Variants in PLEKHA6 observed in about 807,000 individuals in gnomAD.
PLEKHA6 encodes the protein pleckstrin homology domain-containing family A member 6.
In PLEKHA6, 60 loss-of-function variants were observed where a neutral mutation model predicts 116.7. That is an observed-to-expected ratio of 0.51 (90% CI 0.42 to 0.64). PLEKHA6 has a LOEUF of 0.64. PLEKHA6 is among the 30% of genes least tolerant of loss of function. The pLI is 0.00. For synonymous variants in PLEKHA6, 489 were observed against 556.1 expected (o/e 0.88, Z 1.70); for missense variants, 1,338 against 1,422.7 (o/e 0.94, Z 0.96).
At chr1:204,307,880 C>G in intron 1 of PLEKHA6, 1 of 985,438 alleles carries the variant, frequency 1.0e-6, no homozygotes, top group African/African-American at 1.7e-5. Flanking sequence ...TTAAGTGGCA[C>G]TCAGGATCGA....
At chr1:204,330,386 T>C (rs897389698) in intron 1 of PLEKHA6, among the ~76,000 whole-genome samples, 1 of 152,228 alleles carries the variant, frequency 6.6e-6, no homozygotes, top group African/African-American at 2.4e-5. Flanking sequence ...AGGAACATAC[T>C]TGAAAGAAGA....
rs1407706157 is a variant in PLEKHA6 at position 204,368,557 on chromosome 1, C to T, written c.161-701G>A. ...GTGGCCAGGAGGCACCCAGGCAGTC[C>T]CCACAGGTGGCCATAGCACCTCCAT... On this transcript the variant is annotated intron_variant, in intron 2 of 4. Transcript: ENST00000564627. The T allele has an allele frequency of 2.0e-5, 3 of 152,416 alleles. No homozygotes were observed. The East Asian group carries it at 5.8e-4, about 29-fold the overall frequency. 9.4% of individuals were successfully genotyped at this position (152,416 alleles called of 1,614,324 possible). A position where few individuals can be genotyped will look rare whatever the true frequency, so the allele number is the denominator to read the frequency against.
intron 17 of PLEKHA6, among the ~76,000 whole-genome samples, chr1:204,235,557 T>C (rs1661919705): frequency 6.6e-6 from 1 of 152,178 alleles, no homozygotes; most frequent in Non-Finnish European, 1.5e-5. Flanking sequence ...CACAAGCTCT[T>C]ATCATGTGAG....
At chr1:204,293,276 A>G (rs1669957422) in intron 1 of PLEKHA6, among the ~76,000 whole-genome samples, 2 of 152,158 alleles carry the variant, frequency 1.3e-5, no homozygotes, top group South Asian at 4.1e-4. Flanking sequence ...CTGGGACTAC[A>G]GGCATGTGCC....
chr1:204,271,972 A>G (rs1172556831), intron 3 of PLEKHA6, among the ~76,000 whole-genome samples: 1 of 152,134 alleles, frequency 6.6e-6, no homozygotes, highest in African/African-American at 2.4e-5. Context: ...ATATATATAC[A>G]TGTGCCATGT....
chr1:204,326,280 G>T (rs1558182872), intron 1 of PLEKHA6, among the ~76,000 whole-genome samples: 1 of 152,156 alleles, frequency 6.6e-6, no homozygotes, highest in African/African-American at 2.4e-5. Flanking sequence ...GACCCAACCA[G>T]CCAGGAGAGT....
intron 1 of PLEKHA6, among the ~76,000 whole-genome samples, chr1:204,328,772 G>A (rs1672343875): frequency 6.6e-6 from 1 of 152,204 alleles, no homozygotes; most frequent in Admixed American, 6.5e-5. Flanking sequence ...ATTGCTATGA[G>A]TAGATGATTT....
chr1:204,328,192 C>T (rs548535821), intron 1 of PLEKHA6, among the ~76,000 whole-genome samples: 1 of 151,360 alleles, frequency 6.6e-6, no homozygotes, highest in South Asian at 2.1e-4. Flanking sequence ...AAGGGATTCT[C>T]CTACCTCAGC....
At chr1:204,249,947 G>T (rs567744984) in intron 10 of PLEKHA6, among the ~76,000 whole-genome samples, 1 of 152,252 alleles carries the variant, frequency 6.6e-6, no homozygotes, top group East Asian at 1.9e-4. Context: ...TTTACCCTCT[G>T]GGCCTTTTAA....
intron 12 of PLEKHA6, among the ~76,000 whole-genome samples, chr1:204,247,965 A>T (rs1663981231): frequency 6.6e-6 from 1 of 150,922 alleles, no homozygotes; most frequent in African/African-American, 2.4e-5. Flanking sequence ...AAAAAAAAAA[A>T]ATTTAAGTGG....
chr1:204,221,580 C>A lies in PLEKHA6; in HGVS notation c.*1208G>T, dbSNP rs995495584. 1 of 152,634 alleles carries A rather than the reference C, an allele frequency of 6.6e-6. No homozygotes were observed. Among genetic ancestry groups the A allele is most frequent in the Non-Finnish European group, 1.5e-5 (1 of 68,120 alleles). The allele number at this position is 152,634 out of a possible 1,614,324, so 9.5% of individuals were successfully genotyped here. ...CCTCCCAGATTAAGGCCTCATCCCC[C>A]CTCCTCAAGGCGTACTCTCAGCTGG... On this transcript the variant is annotated 3_prime_UTR_variant, in exon 23 of 23. Transcript: ENST00000272203.
chr1:204,224,841 C>T (rs570307988), intron 21 of PLEKHA6, among the ~76,000 whole-genome samples: 1 of 152,212 alleles, frequency 6.6e-6, no homozygotes, highest in Non-Finnish European at 1.5e-5. Context: ...TGACCCAACG[C>T]TTAGTCATCT....
intron 1 of PLEKHA6, chr1:204,313,770 G>A (rs1052042800): frequency 2.2e-6 from 2 of 900,318 alleles, no homozygotes; most frequent in African/African-American, 1.8e-5. Flanking sequence ...GCACCATGTA[G>A]GTGTCTAATT....
intron 1 of PLEKHA6, among the ~76,000 whole-genome samples, chr1:204,306,038 G>A (rs1671267718): frequency 6.6e-6 from 1 of 152,194 alleles, no homozygotes; most frequent in Non-Finnish European, 1.5e-5. Flanking sequence ...GCTTTGGAAT[G>A]TGTCAGAGTT....
At chr1:204,290,222 T>G (rs1317871603) in intron 1 of PLEKHA6, among the ~76,000 whole-genome samples, 1 of 152,208 alleles carries the variant, frequency 6.6e-6, no homozygotes, top group African/African-American at 2.4e-5. Context: ...GGATCCAGAA[T>G]ACTCAAAAGC....
rs773812359 is a variant in PLEKHA6 at position 204,273,712 on chromosome 1, C to T, written c.16G>A (p.Gly6Ser). The T allele has an allele frequency of 1.9e-6, 3 of 1,613,792 alleles. No homozygotes were observed. Among genetic ancestry groups the T allele is most frequent in the Non-Finnish European group, 2.5e-6 (3 of 1,179,704 alleles). The change falls in exon 3 of 23, where the codon GGT becomes AGT. Residue 6 changes from glycine to serine, a missense_variant. Physicochemically the swap from Gly to Ser is moderately conservative, Grantham distance 56 (BLOSUM62 0). Transcript: ENST00000272203. ...TTGGTGGTAGCCGGGCGTTTCCCAC[C>T]TGTTTTATTGGACATGTCCAAGGTC... MSNKT[G>S]GKRPATTNSD...
At chr1:204,376,934 G>C (rs1262995289) in intron 1 of PLEKHA6, among the ~76,000 whole-genome samples, 1 of 152,202 alleles carries the variant, frequency 6.6e-6, no homozygotes, top group Non-Finnish European at 1.5e-5. Context: ...GTTATAATGA[G>C]ATTATGCCAG....
rs1482461832 is a variant in PLEKHA6, at chr1:204,259,428, C to T, written c.837G>A (p.Arg279=). 3 of 1,614,112 alleles carry T rather than the reference C, an allele frequency of 1.9e-6. No individual in the cohort carries two copies. Among genetic ancestry groups the T allele is most frequent in the Non-Finnish European group, 2.5e-6 (3 of 1,180,044 alleles). Residue 279 remains arginine, a synonymous_variant, in exon 8 of 23, where the codon CGG becomes CGA. Coordinates refer to ENST00000272203, the MANE Select transcript of PLEKHA6 (RefSeq NM_014935.5). This position sits in a 1 kb window ranked among gnomAD's most constrained non-coding sequence, Gnocchi z 4.6. ...PNGWQYHSPS[R]PGSTAFPSQD... ...GAGACGGGAAAGCTGTGCTCCCTGG[C>T]CGGCTTGGGGAGTGGTACTGCCAGC...
intron 1 of PLEKHA6, among the ~76,000 whole-genome samples, chr1:204,286,796 A>G (rs931863067): frequency 3.3e-5 from 5 of 152,050 alleles, no homozygotes; most frequent in Admixed American, 1.3e-4. Flanking sequence ...CTGACTCTCA[A>G]TATGAGGCAG....
Sources: allele counts gnomAD v4.1 joint callset (sites outside exome capture counted in the v4.1 genomes callset), GRCh38; gene constraint gnomAD v4.1.1; non-coding constraint Gnocchi (gnomAD v3.1); transcripts MANE v1.5; gene names NCBI Gene and HGNC (gene_info 2026-07-23, HGNC 2026-07-21).